The following SI variants were observed in gnomAD, a reference collection of about 807,000 sequenced individuals.
SI encodes sucrase-isomaltase, intestinal.
Under a neutral mutation model 253.3 loss-of-function variants are expected in SI, and 235 were observed. That is an observed-to-expected ratio of 0.93 (90% CI 0.83 to 1.03). The LOEUF is 1.03. SI is among the 50% of genes least tolerant of loss of function. SI has a pLI of 0.00. For missense variants in SI, 2,442 were observed against 2,211.1 expected (o/e 1.10, Z -2.09); for synonymous variants, 819 against 712.0 (o/e 1.15, Z -2.39).
At chr3:164,991,302 A>G (rs1026280059) in intron 44 of SI, 51 bp downstream of exon 44, 1 of 1,603,284 alleles carries the variant, frequency 6.2e-7, no homozygotes, top group Non-Finnish European at 8.5e-7. Context: ...TAACAATGCT[A>G]GCATGATGTA....
rs1559974746 is a variant in SI at position 164,982,314 on chromosome 3, CAGG to C, written c.5341_5343del (p.Pro1781del). The C allele has an allele frequency of 6.2e-7, 1 of 1,612,924 alleles. No individual in the cohort carries two copies. The highest frequency in any genetic ancestry group is 8.5e-7 in the Non-Finnish European group (1 of 1,179,258). ...TTATACGTTAGAGTAACTGCATTGA[CAGG>C]AGTAGTTCCTTTCCCCCATACATGA... On this transcript the variant is annotated inframe_deletion, in exon 47 of 48. Coordinates refer to ENST00000264382, the MANE Select transcript of SI (RefSeq NM_001041.4).
chr3:165,086,900 A>T, the SI span, among the ~76,000 whole-genome samples: 1 of 152,192 alleles, frequency 6.6e-6, no homozygotes, highest in Non-Finnish European at 1.5e-5. Flanking sequence ...GCACCCACTC[A>T]CAAGTTCTCA....
At chr3:165,063,567 G>A (rs754982119) in intron 7 of SI, 26 bp from the exon 8 acceptor site, 44 of 997,324 alleles carry the variant, frequency 4.4e-5, no homozygotes, top group African/African-American at 9.6e-5. Flanking sequence ...TTGAAAATAC[G>A]ATTTTCAAAT....
intron 45 of SI, among the ~76,000 whole-genome samples, chr3:164,984,974 T>C (rs989746274): frequency 1.3e-5 from 2 of 152,152 alleles, no homozygotes; most frequent in Non-Finnish European, 2.9e-5. Flanking sequence ...AAAATATTTA[T>C]ACTAAATTAT....
intron 1 of SI, among the ~76,000 whole-genome samples, chr3:165,076,912 C>T (rs1315460801): frequency 1.3e-5 from 2 of 149,900 alleles, no homozygotes; most frequent in Non-Finnish European, 3.0e-5. Context: ...AGACATATAC[C>T]AAAGTAGAAC....
At chr3:165,014,564 T>C (rs1484890856) in intron 33 of SI, among the ~76,000 whole-genome samples, 3 of 152,162 alleles carry the variant, frequency 2.0e-5, no homozygotes, top group Admixed American at 2.0e-4. Context: ...CATAGATTTT[T>C]TTGATGGTGT....
At chr3:165,081,193 TAAAAC>T (rs527452542), upstream of SI, among the ~76,000 whole-genome samples, 498 of 152,164 alleles carry the variant, frequency 3.3e-3, 1 homozygote, top group South Asian at 9.3e-3. Context: ...TGTTTTAACT[TAAAAC>T]ATATCATTTT....
Position 165,065,393 on chromosome 3 carries a change from C to T in SI, c.675G>A (p.Gln225=). 6.3e-7 allele frequency: 1 copy of T among 1,582,862 alleles called. No homozygotes were observed. Among genetic ancestry groups the T allele is most frequent in the Non-Finnish European group, 8.6e-7 (1 of 1,158,964 alleles). ...GAAGACGGGTTGAGATCTGTAAGTA[C>T]TGGTCAGAGTACACTAAGGGACCAA... ...TSIGPLVYSD[Q]YLQISTRLPS... Residue 225 remains glutamine (Q), a synonymous_variant, in exon 7 of 48, where the codon CAG becomes CAA. Transcript: ENST00000264382.
chr3:165,007,043 G>A, intron 36 of SI, 89 bp from the exon 37 acceptor site: 1 of 943,766 alleles, frequency 1.1e-6, no homozygotes, highest in Non-Finnish European at 1.6e-6. Context: ...CCTTGACAAA[G>A]AAATTAATCA....
rs995574088 is a variant in SI, at chr3:165,020,921, C to T, written c.3254+308G>A. The stretch of plus-strand genomic sequence containing the variant: ...ACTTGTTTCCAAATACTTATTTTTG[C>T]CAACACTTATCATGCTTTTTAAAAG... On this transcript the variant is annotated intron_variant, in intron 27 of 47. Transcript: ENST00000264382. 5.9e-5 allele frequency among the ~76,000 whole-genome samples: 9 copies of T among 151,462 alleles called. No homozygotes were observed. In the East Asian group the frequency reaches 9.7e-4, roughly 16 times the overall value.
chr3:165,026,881 A>G (rs183571983), intron 25 of SI, among the ~76,000 whole-genome samples: 63 of 151,504 alleles, frequency 4.2e-4, no homozygotes, highest in African/African-American at 1.5e-3. Flanking sequence ...GAAAGAGCAC[A>G]CATAGACAAT....
chr3:165,061,953 T>C (rs1714003427), intron 9 of SI, among the ~76,000 whole-genome samples: 1 of 152,002 alleles, frequency 6.6e-6, no homozygotes, highest in African/African-American at 2.4e-5. Flanking sequence ...GCTAGATTCA[T>C]TGGTCTTCTC....
At chr3:164,992,923 G>A (rs1021569389) in intron 41 of SI, among the ~76,000 whole-genome samples, 5 of 151,344 alleles carry the variant, frequency 3.3e-5, no homozygotes, top group African/African-American at 1.2e-4. Flanking sequence ...GAAAAACAAA[G>A]GTTTTTTTTT....
chr3:165,027,435 T>C (rs1456380794), intron 25 of SI, among the ~76,000 whole-genome samples: 3 of 148,592 alleles, frequency 2.0e-5, no homozygotes, highest in African/African-American at 7.4e-5. Flanking sequence ...AAAGAGGGAA[T>C]CCCCCCTAAA....
intron 45 of SI, among the ~76,000 whole-genome samples, chr3:164,983,642 T>G (rs1717303745): frequency 6.6e-6 from 1 of 152,064 alleles, no homozygotes; most frequent in Non-Finnish European, 1.5e-5. Context: ...CCAGCTGAAG[T>G]GCAGTAACAC....
At position 165,021,301 on chromosome 3, in the gene SI, C is replaced by G. The variant is rs1033321684; in HGVS notation, c.3182G>C (p.Arg1061Thr). Residue 1061 changes from arginine to threonine, a missense_variant, in exon 27 of 48, where the codon AGA becomes ACA. Transcript: ENST00000264382. The stretch of plus-strand genomic sequence containing the variant: ...TTCCTTGATTTCCACATCATAAAGT[C>G]TGTCTTCATAAGTACTTATTGGGGT... ...PTTPISTYED[R>T]LYDVEIKENP... 4 of 1,611,244 alleles carry G rather than the reference C, an allele frequency of 2.5e-6. No individual in the cohort carries two copies. The highest frequency in any genetic ancestry group is 3.3e-5 in the Admixed American group (2 of 59,766).
At chr3:165,030,643 T>C (rs1712178051) in intron 25 of SI, 69 bp downstream of exon 25, 1 of 1,463,004 alleles carries the variant, frequency 6.8e-7, no homozygotes, top group South Asian at 1.2e-5. Context: ...AAAATTATAA[T>C]ATGTAAAATT....
intron 16 of SI, among the ~76,000 whole-genome samples, chr3:165,046,363 T>A (rs1205226950): frequency 1.3e-5 from 2 of 150,872 alleles, no homozygotes; most frequent in Non-Finnish European, 2.9e-5. Flanking sequence ...TGTCTACAAT[T>A]CCTAGTACAC....
Position 165,017,573 on chromosome 3 carries a change from G to A in SI, c.3734C>T (p.Ala1245Val). Residue 1245 changes from alanine to valine, a missense_variant, in exon 31 of 48, where the codon GCT becomes GTT. Physicochemically the swap from Ala to Val is moderately conservative, Grantham distance 64 (BLOSUM62 0). Transcript: ENST00000264382. ...NTSEVRELYDAMVAANIPYDV... is the reference protein window; with the variant it reads ...NTSEVRELYDVMVAANIPYDV... Reference sequence around the variant, plus strand: ...ATAGGGGATGTTAGCAGCCACCATAGCGTCATATAATTCCCGAACCTCTGA... The same window carrying A: ...ATAGGGGATGTTAGCAGCCACCATAACGTCATATAATTCCCGAACCTCTGA... The A allele has an allele frequency of 6.2e-7, 1 of 1,612,258 alleles. No homozygotes were observed. The highest frequency in any genetic ancestry group is 8.5e-7 in the Non-Finnish European group (1 of 1,178,774).
Sources: gnomAD v4.1 joint callset for allele counts (sites outside exome capture counted in the v4.1 genomes callset) on GRCh38, gnomAD v4.1.1 for gene constraint, MANE v1.5 for transcripts, NCBI Gene and HGNC (gene_info 2026-07-23, HGNC 2026-07-21) for gene names.